CADM2: variants seen among roughly 807,000 people sequenced by gnomAD.
CADM2 encodes cell adhesion molecule 2, also known as immunoglobulin superfamily member 4D.
Under a neutral mutation model 49.8 loss-of-function variants are expected in CADM2, and 12 were observed. The ratio of observed to expected loss-of-function variants is 0.24; its 90% CI spans 0.15 to 0.39. The LOEUF (loss-of-function observed/expected upper bound fraction) is 0.39. Ranked by LOEUF, CADM2 falls within the 10% of genes least tolerant of loss-of-function variation. CADM2 has a pLI of 1.00. For missense variants in CADM2, 378 were observed against 492.3 expected, an observed-to-expected ratio of 0.77 and a Z score of 2.20; for synonymous variants, 214 against 175.4, an observed-to-expected ratio of 1.22 and a Z score of -1.74.
Position 84,959,485 on chromosome 3 carries a change from TG to T in CADM2, c.-119del, listed in dbSNP as rs2030227492. 3.2e-6 allele frequency: 3 copies of T among 923,530 alleles called. No homozygotes were observed. Among genetic ancestry groups the T allele is most frequent in the African/African-American group, 1.7e-5 (1 of 60,188 alleles). The allele number at this position is 923,530 out of a possible 1,614,324, so 57.2% of individuals were successfully genotyped here. On this transcript the variant is annotated 5_prime_UTR_variant, in exon 1 of 10. Coordinates refer to ENST00000383699, the MANE Select transcript of CADM2 (RefSeq NM_001167675.2). Reference sequence around the variant, plus strand: ...TCCGCGGGTTCGAACACCGCAGCGGTGGGGACGGTGGGTCCGGCGGGCGCCG... The same window carrying T: ...TCCGCGGGTTCGAACACCGCAGCGGTGGGACGGTGGGTCCGGCGGGCGCCG...
At chr3:85,652,772 C>CTTTTTTTTTTTGTTTTTTTTTTTTTT (rs2065084831) in intron 1 of CADM2, among the ~76,000 whole-genome samples, 1 of 50,782 alleles carries the variant, frequency 2.0e-5, no homozygotes, top group African/African-American at 7.8e-5. Context: ...TTTTTCTTTT[C>CTTTTTTTTTTTGTTTTTTTTTTTTTT]TTTTTTTTTT....
intron 1 of CADM2, among the ~76,000 whole-genome samples, chr3:85,662,854 G>T (rs1015827380): frequency 4.6e-5 from 7 of 151,998 alleles, no homozygotes; most frequent in Admixed American, 3.9e-4. Flanking sequence ...AACATCGTGA[G>T]AGCCAAGAAC....
chr3:85,350,100 A>G (rs2031189330), intron 1 of CADM2, among the ~76,000 whole-genome samples: 1 of 152,216 alleles, frequency 6.6e-6, no homozygotes. Flanking sequence ...ACTAACGAGG[A>G]CAGAGGAATA....
chr3:85,942,409 G>A (rs937505102), intron 7 of CADM2, among the ~76,000 whole-genome samples: 2 of 151,634 alleles, frequency 1.3e-5, no homozygotes, highest in Admixed American at 1.3e-4. Context: ...ATATATAAAT[G>A]TGCCATGCTG....
intron 1 of CADM2, among the ~76,000 whole-genome samples, chr3:85,676,852 C>T (rs1314333591): frequency 6.6e-6 from 1 of 152,170 alleles, no homozygotes; most frequent in East Asian, 1.9e-4. Context: ...CCTCAACACA[C>T]ACACCTTTTG....
chr3:85,655,160 ATTT>A (rs11401179), intron 1 of CADM2, among the ~76,000 whole-genome samples: 1 of 147,080 alleles, frequency 6.8e-6, no homozygotes, highest in African/African-American at 2.5e-5. Flanking sequence ...CACCTTGGTA[ATTT>A]TTTTTTTTTT....
chr3:85,154,512 T>C (rs1195925759), intron 1 of CADM2, among the ~76,000 whole-genome samples: 1 of 152,064 alleles, frequency 6.6e-6, no homozygotes, highest in Non-Finnish European at 1.5e-5. Flanking sequence ...TGGAAAACAC[T>C]CTGCAGGATA....
intron 1 of CADM2, among the ~76,000 whole-genome samples, chr3:85,693,446 G>C (rs1480700506): frequency 6.6e-6 from 1 of 151,182 alleles, no homozygotes; most frequent in African/African-American, 2.4e-5. Flanking sequence ...CGGGCGCAGT[G>C]GCGGGCGCCT....
At chr3:85,208,793 T>G (rs2041710518) in intron 1 of CADM2, among the ~76,000 whole-genome samples, 2 of 152,122 alleles carry the variant, frequency 1.3e-5, no homozygotes, top group African/African-American at 4.8e-5. Context: ...GCTGCATATT[T>G]CACCAGGTGC....
chr3:85,820,308 A>G (rs1265676840), intron 3 of CADM2, among the ~76,000 whole-genome samples: 1 of 152,124 alleles, frequency 6.6e-6, no homozygotes, highest in Non-Finnish European at 1.5e-5. Context: ...TCCTATAAAC[A>G]TTTTCACAGT....
chr3:85,426,636 T>G (rs2036419931), intron 1 of CADM2, among the ~76,000 whole-genome samples: 1 of 152,134 alleles, frequency 6.6e-6, no homozygotes, highest in Admixed American at 6.6e-5. Flanking sequence ...AACCATCCCA[T>G]TACACTCTTA....
intron 1 of CADM2, among the ~76,000 whole-genome samples, chr3:85,527,954 A>T (rs1403793933): frequency 6.6e-6 from 1 of 152,126 alleles, no homozygotes; most frequent in African/African-American, 2.4e-5. Context: ...GTCAAGTATT[A>T]TTTAGTAAAA....
At chr3:85,006,791 T>G (rs909089653) in intron 1 of CADM2, among the ~76,000 whole-genome samples, 1 of 152,178 alleles carries the variant, frequency 6.6e-6, no homozygotes, top group Non-Finnish European at 1.5e-5. Flanking sequence ...ATATCAAACT[T>G]AAAAGATAAA....
At chr3:85,701,045 G>T (rs191995130) in intron 1 of CADM2, among the ~76,000 whole-genome samples, 1 of 151,070 alleles carries the variant, frequency 6.6e-6, no homozygotes, top group Non-Finnish European at 1.5e-5. Context: ...ATTGTCCCAT[G>T]GTTCTGCAGG....
At chr3:85,699,553 G>T (rs1324358509) in intron 1 of CADM2, among the ~76,000 whole-genome samples, 1 of 152,238 alleles carries the variant, frequency 6.6e-6, no homozygotes, top group African/African-American at 2.4e-5. Flanking sequence ...AGCTGCCAGG[G>T]CTTATGGTTT....
At chr3:85,008,342 A>G (rs1319653555) in intron 1 of CADM2, among the ~76,000 whole-genome samples, 2 of 152,188 alleles carry the variant, frequency 1.3e-5, no homozygotes, top group African/African-American at 4.8e-5. Flanking sequence ...ATTCCCAGTC[A>G]GAAGTGGTCT....
intron 1 of CADM2, among the ~76,000 whole-genome samples, chr3:85,342,128 A>G (rs1187456018): frequency 1.3e-5 from 2 of 152,170 alleles, no homozygotes; most frequent in Non-Finnish European, 2.9e-5. Flanking sequence ...CAAAGGGCTA[A>G]TATCTGGAAT....
intron 1 of CADM2, among the ~76,000 whole-genome samples, chr3:85,367,087 CAATT>C (rs1257556161): frequency 4.6e-5 from 7 of 151,562 alleles, no homozygotes; most frequent in Non-Finnish European, 5.9e-5. Flanking sequence ...TTGATGTGTC[CAATT>C]AATTATCGGT....
Position 85,909,401 on chromosome 3 carries a change from A to AATATATATATAT in CADM2, c.530-2964_530-2953dup, listed in dbSNP as rs59251646. ...GCATATTTTGAAAAATGTAAAATGA[A>AATATATATATAT]ATATATATATATATATATAATGTCC... On this transcript the variant is annotated intron_variant, in intron 5 of 9. Coordinates refer to ENST00000383699, the MANE Select transcript of CADM2 (RefSeq NM_001167675.2). Among the ~76,000 whole-genome samples the AATATATATATAT allele has an allele frequency of 7.1e-3, 1,042 of 147,364 alleles. 11 individuals carry two copies. The highest frequency in any genetic ancestry group is 0.025 in the Admixed American group (372 of 14,706).
Sources: gnomAD v4.1 joint callset for allele counts (sites outside exome capture counted in the v4.1 genomes callset) on GRCh38, gnomAD v4.1.1 for gene constraint, MANE v1.5 for transcripts, NCBI Gene and HGNC (gene_info 2026-07-23, HGNC 2026-07-21) for gene names.